SLC17A8: variants seen among roughly 807,000 people sequenced by gnomAD.
SLC17A8 encodes the protein vesicular glutamate transporter 3.
SLC17A8 carries 31 observed loss-of-function variants against 58.0 expected under a neutral mutation model. That is an observed-to-expected ratio of 0.53 (90% CI 0.40 to 0.72). The LOEUF (loss-of-function observed/expected upper bound fraction) is 0.72. Among genes scored for constraint, SLC17A8 ranks in the 30% least tolerant of loss-of-function variants. The pLI, the probability that SLC17A8 is intolerant of heterozygous loss-of-function variation, is 0.00. For synonymous variants in SLC17A8, 228 were observed against 249.0 expected, an observed-to-expected ratio of 0.92 and a Z score of 0.79; for missense variants, 655 against 727.8, an observed-to-expected ratio of 0.90 and a Z score of 1.15.
intron 9 of SLC17A8, among the ~76,000 whole-genome samples, chr12:100,408,389 C>T (rs1202674724): frequency 1.3e-5 from 2 of 152,136 alleles, no homozygotes; most frequent in African/African-American, 4.8e-5. Flanking sequence ...TCTATTCTGG[C>T]TGAATCAGTT....
intron 1 of SLC17A8, among the ~76,000 whole-genome samples, chr12:100,378,202 A>G (rs989435599): frequency 6.6e-6 from 1 of 152,208 alleles, no homozygotes; most frequent in Non-Finnish European, 1.5e-5. Context: ...GGAATCAGCT[A>G]TAAGAGATAA....
At chr12:100,411,783 G>A (rs1055705951) in intron 9 of SLC17A8, among the ~76,000 whole-genome samples, 6 of 151,278 alleles carry the variant, frequency 4.0e-5, no homozygotes, top group Non-Finnish European at 8.8e-5. Flanking sequence ...TATTCTGAAT[G>A]AAAGGAACAG....
chr12:100,363,873 T>A (rs893620300), intron 1 of SLC17A8, among the ~76,000 whole-genome samples: 1 of 151,708 alleles, frequency 6.6e-6, no homozygotes, highest in African/African-American at 2.4e-5. Flanking sequence ...AAACATATAT[T>A]TTCTACTAAA....
intron 1 of SLC17A8, among the ~76,000 whole-genome samples, chr12:100,364,491 A>C (rs899647444): frequency 6.6e-6 from 1 of 152,190 alleles, no homozygotes; most frequent in Non-Finnish European, 1.5e-5. Context: ...CATAGCCTCC[A>C]TCCCTGCTGC....
rs374356596 is a variant in SLC17A8, at chr12:100,380,809, C to T, written c.210C>T (p.Cys70=). The stretch of plus-strand genomic sequence containing the variant: ...CCCCACTCTGCGACTGCCACTGCTG[C>T]GGCCTCCCCAAGCGTTACATCATTG... ...PSPPLCDCHC[C]GLPKRYIIAI... The change falls in exon 2 of 12, where the codon TGC becomes TGT. Residue 70 remains cysteine (C), a synonymous_variant. Coordinates refer to ENST00000323346, the MANE Select transcript of SLC17A8 (RefSeq NM_139319.3). The T allele has an allele frequency of 7.4e-5, 119 of 1,614,002 alleles. No individual in the cohort carries two copies. Among genetic ancestry groups the T allele is most frequent in the Middle Eastern group, 4.9e-4 (3 of 6,084 alleles).
At chr12:100,389,974 C>T (rs1305409531) in intron 2 of SLC17A8, among the ~76,000 whole-genome samples, 1 of 152,020 alleles carries the variant, frequency 6.6e-6, no homozygotes, top group Non-Finnish European at 1.5e-5. Flanking sequence ...GCGTCTGCCA[C>T]CACACCCAGC....
intron 4 of SLC17A8, among the ~76,000 whole-genome samples, chr12:100,394,306 G>T (rs147331987): frequency 6.6e-6 from 1 of 150,616 alleles, no homozygotes; most frequent in Non-Finnish European, 1.5e-5. Flanking sequence ...CCCCTAGATC[G>T]ACTCATTTAA....
chr12:100,390,693 A>G lies in SLC17A8; in HGVS notation c.355-308A>G, dbSNP rs192880421. Among the ~76,000 whole-genome samples the G allele has an allele frequency of 5.6e-4, 85 of 151,868 alleles. 1 individual carries two copies. The East Asian group carries it at 0.013, about 23-fold the overall frequency. On this transcript the variant is annotated intron_variant, in intron 2 of 11. Coordinates refer to ENST00000323346, the MANE Select transcript of SLC17A8 (RefSeq NM_139319.3). ...GGTTTCACTCTGTTGCCCAGGCTGG[A>G]GTGCATTGGCACTATCTTGGCTCAC...
intron 1 of SLC17A8, among the ~76,000 whole-genome samples, chr12:100,374,524 A>G (rs1463030874): frequency 6.6e-6 from 1 of 152,170 alleles, no homozygotes; most frequent in East Asian, 1.9e-4. Flanking sequence ...AGGCACAAGA[A>G]TTGCTTGAAC....
At chr12:100,412,604 A>C (rs932412871) in intron 9 of SLC17A8, among the ~76,000 whole-genome samples, 166 bp from the exon 10 acceptor site, 14 of 151,844 alleles carry the variant, frequency 9.2e-5, no homozygotes, top group Non-Finnish European at 1.5e-4. Flanking sequence ...AAAAAAAAAA[A>C]AAAAAAACTT....
chr12:100,405,940 A>G (rs989784174), intron 9 of SLC17A8, among the ~76,000 whole-genome samples: 4 of 152,164 alleles, frequency 2.6e-5, no homozygotes, highest in African/African-American at 9.7e-5. Context: ...TGAGCTCAGG[A>G]GTTCGAAATC....
In SLC17A8 at chr12:100,421,658, G is replaced by GGTT. The variant is rs1952949294; in HGVS notation, c.*1499_*1500insGTT. 9.1e-6 allele frequency: 1 copy of GGTT among 109,872 alleles called. No individual in the cohort carries two copies. Among genetic ancestry groups the GGTT allele is most frequent in the Non-Finnish European group, 1.7e-5 (1 of 58,400 alleles). The allele number at this position is 109,872 out of a possible 1,614,324, so 6.8% of individuals were successfully genotyped here. ...TACTTGTAGCTTATTATTGTAAAGT[G>GGTT]TTTTTTTTTTTTTTTTTTTTTTCTA... On this transcript the variant is annotated 3_prime_UTR_variant, in exon 12 of 12. Coordinates refer to ENST00000323346, the MANE Select transcript of SLC17A8 (RefSeq NM_139319.3).
intron 3 of SLC17A8, among the ~76,000 whole-genome samples, chr12:100,392,987 C>T (rs1220855474): frequency 2.6e-5 from 4 of 152,180 alleles, no homozygotes; most frequent in Non-Finnish European, 5.9e-5. Flanking sequence ...CAGGACATCC[C>T]TGTGCCACCA....
In SLC17A8 at chr12:100,390,212, G is replaced by T. The variant is rs567478413; in HGVS notation, c.355-789G>T. Among the ~76,000 whole-genome samples, 7 of 152,178 alleles carry T rather than the reference G, an allele frequency of 4.6e-5. No homozygotes were observed. The East Asian group carries it at 1.2e-3, about 25-fold the overall frequency. On this transcript the variant is annotated intron_variant, in intron 2 of 11. Transcript: ENST00000323346. ...GCTCCTGGCCTCAAGTAATCCTCTT[G>T]CCTAGGCCTTCCAAAGCATTGGGAT...
rs1027980813 is a variant in SLC17A8 at position 100,401,682 on chromosome 12, T to C, written c.677-95T>C. The C allele has an allele frequency of 1.3e-5, 13 of 1,038,004 alleles. No homozygotes were observed. In the East Asian group the frequency reaches 3.1e-4, roughly 25 times the overall value. 64.3% of individuals were successfully genotyped at this position (1,038,004 alleles called of 1,614,324 possible). A position where few individuals can be genotyped will look rare whatever the true frequency, so the allele number is the denominator to read the frequency against. On this transcript the variant is annotated intron_variant, in intron 5 of 11. Coordinates refer to ENST00000323346, the MANE Select transcript of SLC17A8 (RefSeq NM_139319.3). ...GGAGGCAGTCTGATTCCTGCTCAGT[T>C]TGATTAATTCCTGACTTTACCATAT...
intron 4 of SLC17A8, 23 bp from the exon 5 acceptor site, chr12:100,396,307 T>C (rs1376472947): frequency 2.5e-6 from 4 of 1,584,726 alleles, no homozygotes; most frequent in Non-Finnish European, 2.6e-6. Context: ...AATCAACTAA[T>C]CTATTTTCAA....
chr12:100,357,533 T>A, intron 1 of SLC17A8, 41 bp downstream of exon 1: 1 of 1,285,328 alleles, frequency 7.8e-7, no homozygotes, highest in Non-Finnish European at 1.1e-6. Context: ...TCTGAGTAGC[T>A]TCGTATTGCC....
intron 1 of SLC17A8, among the ~76,000 whole-genome samples, chr12:100,360,977 C>A (rs1407619453): frequency 6.6e-6 from 1 of 152,216 alleles, no homozygotes; most frequent in East Asian, 1.9e-4. Flanking sequence ...CTAGTCCCTG[C>A]ATCGTGTCTG....
At chr12:100,390,947 T>C (rs912874499) in intron 2 of SLC17A8, 54 bp from the exon 3 acceptor site, 20 of 1,196,674 alleles carry the variant, frequency 1.7e-5, no homozygotes, top group Middle Eastern at 1.9e-4. Flanking sequence ...TGGTAAAAAA[T>C]GGTTGTCAGC....
Sources: allele counts gnomAD v4.1 joint callset (sites outside exome capture counted in the v4.1 genomes callset), GRCh38; gene constraint gnomAD v4.1.1; transcripts MANE v1.5; gene names NCBI Gene and HGNC (gene_info 2026-07-23, HGNC 2026-07-21).